GABRG3: variants seen among roughly 807,000 people sequenced by gnomAD.
GABRG3 encodes gamma-aminobutyric acid receptor subunit gamma-3.
GABRG3 carries 25 observed loss-of-function variants against 48.8 expected under a neutral mutation model. The observed-to-expected ratio is 0.51, with a 90% confidence interval of 0.37 to 0.72. The LOEUF is 0.72. Among genes scored for constraint, GABRG3 ranks in the 30% least tolerant of loss-of-function variants. The pLI is 0.00. For synonymous variants in GABRG3, 227 were observed against 217.6 expected (o/e 1.04, Z -0.38); for missense variants, 394 against 577.9 (o/e 0.68, Z 3.26).
chr15:27,254,931 G>C (rs534779911), intron 3 of GABRG3, among the ~76,000 whole-genome samples: 1 of 152,062 alleles, frequency 6.6e-6, no homozygotes, highest in East Asian at 1.9e-4. Flanking sequence ...GAGGTGCCTG[G>C]GGTGCTCTGA....
intron 5 of GABRG3, among the ~76,000 whole-genome samples, chr15:27,378,918 A>T (rs542877127): frequency 2.8e-4 from 42 of 149,560 alleles, no homozygotes; most frequent in Non-Finnish European, 5.9e-4. Context: ...GAATGCCCTC[A>T]GCGGAAAGAA....
At chr15:27,504,959 C>T (rs1356862054) in intron 6 of GABRG3, among the ~76,000 whole-genome samples, 2 of 152,060 alleles carry the variant, frequency 1.3e-5, no homozygotes, top group African/African-American at 4.8e-5. Context: ...TTTGCCATAG[C>T]GAGGTTATCA....
In GABRG3 at chr15:27,047,917, C is replaced by T. The variant is rs1409209776; in HGVS notation, c.270+21096C>T. On this transcript the variant is annotated intron_variant, in intron 3 of 9. Transcript: ENST00000615808. Reference sequence around the variant, plus strand: ...GTCATTTTGCTAAATGTGTTGAACCCAGATAAAAATTTAAATTGTGAAATA... The same window carrying T: ...GTCATTTTGCTAAATGTGTTGAACCTAGATAAAAATTTAAATTGTGAAATA... 2.0e-5 allele frequency among the ~76,000 whole-genome samples: 3 copies of T among 152,104 alleles called. No homozygotes were observed. In the East Asian group the frequency reaches 5.8e-4, roughly 29 times the overall value.
At chr15:27,515,961 C>T (rs1444605423) in intron 6 of GABRG3, among the ~76,000 whole-genome samples, 5 of 151,664 alleles carry the variant, frequency 3.3e-5, no homozygotes, top group South Asian at 2.1e-4. Flanking sequence ...TTCTGAAACT[C>T]GACTGGACTT....
chr15:26,989,882 G>A (rs1895216454), intron 2 of GABRG3, among the ~76,000 whole-genome samples: 1 of 152,072 alleles, frequency 6.6e-6, no homozygotes. Context: ...AACATCCAAT[G>A]TTTGTCTTTC....
intron 3 of GABRG3, among the ~76,000 whole-genome samples, chr15:27,301,241 A>G (rs1375556474): frequency 6.6e-6 from 1 of 152,134 alleles, no homozygotes; most frequent in Non-Finnish European, 1.5e-5. Flanking sequence ...CTCCCAGACT[A>G]TATATAATTT....
chr15:27,460,907 T>G (rs1307378477), intron 5 of GABRG3, among the ~76,000 whole-genome samples: 1 of 152,172 alleles, frequency 6.6e-6, no homozygotes, highest in East Asian at 1.9e-4. Flanking sequence ...CAGGGCTAGA[T>G]AGCTAGGTGC....
chr15:27,033,503 T>A (rs1896123305), intron 3 of GABRG3, among the ~76,000 whole-genome samples: 2 of 152,216 alleles, frequency 1.3e-5, no homozygotes, highest in Admixed American at 6.5e-5. Flanking sequence ...TTTTTGTTGT[T>A]GCTTTGGTAA....
intron 3 of GABRG3, among the ~76,000 whole-genome samples, chr15:27,186,555 G>A (rs900114438): frequency 1.3e-5 from 2 of 152,098 alleles, no homozygotes; most frequent in African/African-American, 4.8e-5. Flanking sequence ...TGGGTATAAT[G>A]GTAGTTCTGC....
chr15:27,275,083 A>G (rs930175025), intron 3 of GABRG3, among the ~76,000 whole-genome samples: 1 of 152,198 alleles, frequency 6.6e-6, no homozygotes, highest in Non-Finnish European at 1.5e-5. Flanking sequence ...CTGCCTGAGC[A>G]TAGTGAATTT....
chr15:27,285,880 C>T (rs527933616), intron 3 of GABRG3, among the ~76,000 whole-genome samples: 214 of 152,304 alleles, frequency 1.4e-3, no homozygotes, highest in African/African-American at 4.9e-3. Flanking sequence ...GCAGTTCCTT[C>T]GTCTCTGTTG....
intron 6 of GABRG3, among the ~76,000 whole-genome samples, chr15:27,510,320 AATG>A (rs74723062): frequency 0.15 from 22,488 of 152,026 alleles, 4,355 homozygotes; most frequent in African/African-American, 0.45. Flanking sequence ...CTGCAGATGT[AATG>A]ATGTTGGGCC....
chr15:27,461,532 C>T (rs1049098232), intron 5 of GABRG3, among the ~76,000 whole-genome samples: 9 of 152,154 alleles, frequency 5.9e-5, no homozygotes, highest in African/African-American at 1.9e-4. Flanking sequence ...AACAACAAAG[C>T]TTACACAGCA....
Position 27,413,337 on chromosome 15 carries a change from G to T in GABRG3, c.575-67313G>T, listed in dbSNP as rs552917789. 9.2e-5 allele frequency among the ~76,000 whole-genome samples: 14 copies of T among 152,266 alleles called. No homozygotes were observed. In the South Asian group the frequency reaches 2.9e-3, roughly 32 times the overall value. On this transcript the variant is annotated intron_variant, in intron 5 of 9. Coordinates refer to ENST00000615808, the MANE Select transcript of GABRG3 (RefSeq NM_033223.5). ...TTAAGGCAAAAAATGTAGAAGTAAA[G>T]CTTGACCAAGGTTAATAAGGTCAAT...
chr15:27,246,479 C>T (rs1741144211), intron 3 of GABRG3, among the ~76,000 whole-genome samples: 1 of 152,098 alleles, frequency 6.6e-6, no homozygotes, highest in South Asian at 2.1e-4. Flanking sequence ...TTTTCATTCT[C>T]TAAAGGTTAC....
intron 6 of GABRG3, among the ~76,000 whole-genome samples, chr15:27,506,406 T>C (rs567874119): frequency 9.9e-5 from 15 of 152,274 alleles, no homozygotes; most frequent in African/African-American, 3.6e-4. Context: ...TTGGATATGG[T>C]CTTGCTGGCT....
intron 3 of GABRG3, among the ~76,000 whole-genome samples, chr15:27,262,604 T>C (rs1890800392): frequency 6.6e-6 from 1 of 152,246 alleles, no homozygotes; most frequent in Non-Finnish European, 1.5e-5. Context: ...ACGATGTCCT[T>C]ACCTGGTGTA....
chr15:27,012,695 A>C (rs1595471847), intron 2 of GABRG3, among the ~76,000 whole-genome samples: 1 of 152,214 alleles, frequency 6.6e-6, no homozygotes, highest in South Asian at 2.1e-4. Context: ...ACCTGGTTTT[A>C]TTCCTTTCAT....
At chr15:27,315,483 C>T (rs1297148680) in intron 3 of GABRG3, among the ~76,000 whole-genome samples, 3 of 152,082 alleles carry the variant, frequency 2.0e-5, no homozygotes, top group Non-Finnish European at 4.4e-5. Context: ...GGTCCTGGCA[C>T]AAAATATAGT....
Sources: gnomAD v4.1 joint callset for allele counts (sites outside exome capture counted in the v4.1 genomes callset) on GRCh38, gnomAD v4.1.1 for gene constraint, MANE v1.5 for transcripts, NCBI Gene and HGNC (gene_info 2026-07-23, HGNC 2026-07-21) for gene names.